SH2D4B: variants seen among roughly 807,000 people sequenced by gnomAD.
SH2D4B encodes the protein SH2 domain-containing protein 4B.
Under a neutral mutation model 61.5 loss-of-function variants are expected in SH2D4B, and 45 were observed. That is an observed-to-expected ratio of 0.73 (90% CI 0.58 to 0.94). The LOEUF is 0.94. SH2D4B is among the 40% of genes least tolerant of loss of function. The pLI, the probability that SH2D4B is intolerant of heterozygous loss-of-function variation, is 0.00. For synonymous variants in SH2D4B, 224 were observed against 220.4 expected (o/e 1.02, Z -0.14); for missense variants, 572 against 574.2 (o/e 1.00, Z 0.04).
At chr10:80,577,734 TTGTATTTTTA>T (rs1200288297) in intron 3 of SH2D4B, among the ~76,000 whole-genome samples, 7 of 151,764 alleles carry the variant, frequency 4.6e-5, no homozygotes, top group Admixed American at 3.9e-4. Flanking sequence ...CCTTTTTTTT[TTGTATTTTTA>T]GTAGGGACGG....
chr10:80,637,231 C>T (rs1036680970), intron 7 of SH2D4B, among the ~76,000 whole-genome samples: 1 of 152,166 alleles, frequency 6.6e-6, no homozygotes, highest in African/African-American at 2.4e-5. Flanking sequence ...GTGATGCCTC[C>T]AGCTTTGTTC....
intron 1 of SH2D4B, among the ~76,000 whole-genome samples, chr10:80,567,719 T>C (rs1173488484): frequency 6.6e-6 from 1 of 152,178 alleles, no homozygotes; most frequent in Non-Finnish European, 1.5e-5. Context: ...GTGAAGAGAA[T>C]TCCTTGAGTG....
intron 3 of SH2D4B, among the ~76,000 whole-genome samples, chr10:80,572,986 A>ATTTTTTTTTTTTTTTTTTTTTTTTTT (rs61401607): frequency 1.1e-4 from 1 of 8,880 alleles, no homozygotes; most frequent in Non-Finnish European, 2.0e-4. Context: ...ATATATATAT[A>ATTTTTTTTTTTTTTTTTTTTTTTTTT]TTTTTTTTTT....
intron 1 of SH2D4B, among the ~76,000 whole-genome samples, chr10:80,546,692 A>AT (rs1019889122): frequency 6.6e-6 from 1 of 150,460 alleles, no homozygotes; most frequent in Non-Finnish European, 1.5e-5. Context: ...CGCCCGGCTA[A>AT]TTTTTTTTGT....
intron 1 of SH2D4B, among the ~76,000 whole-genome samples, chr10:80,553,234 A>G (rs1236766793): frequency 6.6e-6 from 1 of 152,170 alleles, no homozygotes; most frequent in Non-Finnish European, 1.5e-5. Flanking sequence ...ATTTATTTCT[A>G]TCCTAGTATT....
In SH2D4B at chr10:80,571,593, G is replaced by T. The variant is rs1345528872; in HGVS notation, c.495+15G>T. 6.2e-7 allele frequency: 1 copy of T among 1,612,236 alleles called. No homozygotes were observed. The highest frequency in any genetic ancestry group is 8.5e-7 in the Non-Finnish European group (1 of 1,179,462). On this transcript the variant is annotated intron_variant, in intron 3 of 7. Coordinates refer to ENST00000646907, the MANE Select transcript of SH2D4B (RefSeq NM_001388272.1). ...AGGAATTCAAGGTGGGCCAGCGCAT[G>T]GGGCCCCTGCGTGCGGCCACCTAAT...
chr10:80,567,587 G>A (rs958091160), intron 1 of SH2D4B, among the ~76,000 whole-genome samples: 4 of 152,156 alleles, frequency 2.6e-5, no homozygotes, highest in African/African-American at 9.7e-5. Context: ...GCTGGAGCAG[G>A]GTCAGAATAC....
chr10:80,629,199 G>T (rs1005080931), intron 6 of SH2D4B, among the ~76,000 whole-genome samples: 2 of 152,102 alleles, frequency 1.3e-5, no homozygotes, highest in African/African-American at 4.8e-5. Context: ...ATGGTGGAAG[G>T]CAAAGGGGAA....
intron 1 of SH2D4B, among the ~76,000 whole-genome samples, chr10:80,552,498 C>G (rs542579301): frequency 1.4e-3 from 212 of 152,296 alleles, no homozygotes; most frequent in African/African-American, 4.8e-3. Flanking sequence ...CCCTGCTTCC[C>G]CATCTCTGCA....
intron 4 of SH2D4B, among the ~76,000 whole-genome samples, chr10:80,593,048 G>T (rs1842349659): frequency 6.6e-6 from 1 of 152,072 alleles, no homozygotes; most frequent in Admixed American, 6.6e-5. Flanking sequence ...CTGTTCCATT[G>T]ATTTATATGT....
chr10:80,637,269 A>G (rs372025853), intron 7 of SH2D4B, among the ~76,000 whole-genome samples: 4 of 152,152 alleles, frequency 2.6e-5, no homozygotes, highest in Admixed American at 1.3e-4. Context: ...TTGGCAATGC[A>G]GGCTCTTTTT....
At chr10:80,609,300 C>A (rs1162553721) in intron 5 of SH2D4B, 124 bp from the exon 6 acceptor site, 4 of 929,308 alleles carry the variant, frequency 4.3e-6, no homozygotes, top group Non-Finnish European at 3.1e-6. Context: ...CTTCTTCCAC[C>A]CCCCCTTCCT....
chr10:80,561,236 C>T (rs539306321), intron 1 of SH2D4B, among the ~76,000 whole-genome samples: 10 of 152,256 alleles, frequency 6.6e-5, no homozygotes, highest in African/African-American at 1.4e-4. Context: ...AGGAAAACAA[C>T]GGATAGAATT....
chr10:80,563,855 C>A (rs1479835764), intron 1 of SH2D4B, among the ~76,000 whole-genome samples: 1 of 152,130 alleles, frequency 6.6e-6, no homozygotes, highest in Non-Finnish European at 1.5e-5. Context: ...TATATATCAT[C>A]CTTAGGAAAA....
chr10:80,596,305 T>C (rs1842384929), intron 4 of SH2D4B, among the ~76,000 whole-genome samples: 1 of 152,216 alleles, frequency 6.6e-6, no homozygotes, highest in South Asian at 2.1e-4. Context: ...TGCTAAAAAC[T>C]GTGCCCTCAC....
At chr10:80,613,214 T>C (rs1044963294) in intron 6 of SH2D4B, among the ~76,000 whole-genome samples, 4 of 152,230 alleles carry the variant, frequency 2.6e-5, no homozygotes, top group Non-Finnish European at 5.9e-5. Context: ...ATTCCTTGTT[T>C]CTCCTTTGTT....
chr10:80,612,489 G>A (rs1052220761), intron 6 of SH2D4B, among the ~76,000 whole-genome samples: 9 of 152,266 alleles, frequency 5.9e-5, no homozygotes, highest in Middle Eastern at 3.4e-3. Context: ...TCTTCTCATG[G>A]TGACAGGACA....
chr10:80,588,270 A>C (rs1417157079), intron 3 of SH2D4B, among the ~76,000 whole-genome samples: 2 of 152,188 alleles, frequency 1.3e-5, no homozygotes, highest in African/African-American at 4.8e-5. Context: ...AGGAGTTAGG[A>C]AGCAATCATC....
chr10:80,594,616 G>A (rs1035941327), intron 4 of SH2D4B, among the ~76,000 whole-genome samples: 1 of 152,124 alleles, frequency 6.6e-6, no homozygotes, highest in African/African-American at 2.4e-5. Context: ...TAGTCCTCGG[G>A]TTTCTTTACG....
Sources: allele counts gnomAD v4.1 joint callset (sites outside exome capture counted in the v4.1 genomes callset), GRCh38; gene constraint gnomAD v4.1.1; transcripts MANE v1.5; gene names NCBI Gene and HGNC (gene_info 2026-07-23, HGNC 2026-07-21).